Variants in LCOR observed in about 807,000 individuals in gnomAD.
The protein encoded by LCOR is ligand dependent nuclear receptor corepressor.
In LCOR, 14 loss-of-function variants were observed where a neutral mutation model predicts 64.4. The ratio of observed to expected loss-of-function variants is 0.22; its 90% CI spans 0.14 to 0.34. The LOEUF (loss-of-function observed/expected upper bound fraction) is 0.34, where lower values mean the gene tolerates loss of function less well. Among genes scored for constraint, LCOR ranks in the 10% least tolerant of loss-of-function variants. The pLI, the probability that LCOR is intolerant of heterozygous loss-of-function variation, is 1.00. For missense variants in LCOR, 1,686 were observed against 1,765.3 expected, an observed-to-expected ratio of 0.96 and a Z score of 0.80; for synonymous variants, 643 against 642.5, an observed-to-expected ratio of 1.00 and a Z score of -0.01.
At chr10:96,957,069 CAT>C (rs1847796006) in intron 7 of LCOR, 1 of 985,090 alleles carries the variant, frequency 1.0e-6, no homozygotes, top group Non-Finnish European at 1.2e-6. Flanking sequence ...ATTTAGGATG[CAT>C]ATCAGTTCTA....
At chr10:96,886,122 C>T (rs1197172300) in intron 2 of LCOR, among the ~76,000 whole-genome samples, 1 of 152,160 alleles carries the variant, frequency 6.6e-6, no homozygotes, top group African/African-American at 2.4e-5. Flanking sequence ...AAGTGATCTG[C>T]CCCACTTGGC....
Position 96,956,175 on chromosome 10 carries a change from CAG to C in LCOR, c.332+3983_332+3984del, listed in dbSNP as rs955074570. 28 of 1,263,442 alleles carry C rather than the reference CAG, an allele frequency of 2.2e-5. No individual in the cohort carries two copies. The African/African-American group carries it at 4.3e-4, about 19-fold the overall frequency. 78.3% of individuals were successfully genotyped at this position (1,263,442 alleles called of 1,614,324 possible). ...TACAAAAGAGAATTGAGTTACCTCA[CAG>C]AGAACAGATACATGGAAGTGGACTC... On this transcript the variant is annotated intron_variant, in intron 7 of 7. Coordinates refer to ENST00000421806, the MANE Select transcript of LCOR (RefSeq NM_001346516.2).
In LCOR at chr10:96,968,227, A is replaced by C. The variant is rs112800955; in HGVS notation, c.333-12566A>C. Among the ~76,000 whole-genome samples, 897 of 152,266 alleles carry C rather than the reference A, an allele frequency of 5.9e-3. 5 individuals carry two copies. The highest frequency in any genetic ancestry group is 6.9e-3 in the Non-Finnish European group (468 of 68,022). ...TTTTTCATTTTTTTAGGTGAAAAACATGGAACTTGGAACCTTGAGGGACTT... is the reference window on the plus strand; with the variant it reads ...TTTTTCATTTTTTTAGGTGAAAAACCTGGAACTTGGAACCTTGAGGGACTT... On this transcript the variant is annotated intron_variant, in intron 7 of 7. Coordinates refer to ENST00000421806, the MANE Select transcript of LCOR (RefSeq NM_001346516.2).
At chr10:96,865,534 T>C (rs1845956372) in intron 2 of LCOR, among the ~76,000 whole-genome samples, 1 of 144,554 alleles carries the variant, frequency 6.9e-6, no homozygotes, top group Admixed American at 7.0e-5. Flanking sequence ...GTACAGTAGT[T>C]ATGACAGTTG....
chr10:96,895,112 T>A (rs201992861), intron 2 of LCOR, among the ~76,000 whole-genome samples: 1 of 152,220 alleles, frequency 6.6e-6, no homozygotes, highest in Non-Finnish European at 1.5e-5. Context: ...TTCCCAATTT[T>A]ATATTGCCCC....
chr10:96,953,462 G>A lies in LCOR; in HGVS notation c.332+1266G>A, dbSNP rs150265696. 6.3e-3 allele frequency among the ~76,000 whole-genome samples: 958 copies of A among 152,128 alleles called. 7 individuals are homozygous for A. The highest frequency in any genetic ancestry group is 0.017 in the Middle Eastern group (5 of 294). Reference sequence around the variant, plus strand: ...GCTACTAAGGAGGCTGAGGTGGGACGATCGCTTGAGCCCAGAAGGTCACAG... The same window carrying A: ...GCTACTAAGGAGGCTGAGGTGGGACAATCGCTTGAGCCCAGAAGGTCACAG... On this transcript the variant is annotated intron_variant, in intron 7 of 7. Coordinates refer to ENST00000421806, the MANE Select transcript of LCOR (RefSeq NM_001346516.2).
At chr10:96,958,449 C>T (rs1235744216) in intron 7 of LCOR, 1 of 1,140,984 alleles carries the variant, frequency 8.8e-7, no homozygotes, top group Middle Eastern at 1.9e-4. Flanking sequence ...GGTGTGCCTA[C>T]CCTTTAATGC....
intron 4 of LCOR, among the ~76,000 whole-genome samples, chr10:96,942,548 GCCT>G (rs1410319276): frequency 4.6e-5 from 7 of 152,108 alleles, no homozygotes; most frequent in Non-Finnish European, 1.0e-4. Flanking sequence ...AACTTACTGT[GCCT>G]TATATAGCAG....
In LCOR at chr10:96,980,966, G is replaced by A. The variant is rs1039179556; in HGVS notation, c.506G>A (p.Gly169Glu). The A allele has an allele frequency of 4.3e-6, 3 of 702,844 alleles. No individual in the cohort carries two copies. The highest frequency in any genetic ancestry group is 3.5e-5 in the African/African-American group (2 of 57,234). 43.5% of individuals were successfully genotyped at this position (702,844 alleles called of 1,614,324 possible). A position where few individuals can be genotyped will look rare whatever the true frequency, so the allele number is the denominator to read the frequency against. Residue 169 changes from glycine to glutamate, a missense_variant, in exon 8 of 8, where the codon GGA (glycine) becomes GAA (glutamate). This residue lies in a region of LCOR where 313 missense variants were observed against 247.2 expected (regional missense o/e 1.27). Coordinates refer to ENST00000421806, the MANE Select transcript of LCOR (RefSeq NM_001346516.2). The stretch of plus-strand genomic sequence containing the variant: ...GAGGACCTGCAGCCTTCTGATTCGG[G>A]AGCAATGGATGTATCCACTTGCAAT... ...GTEDLQPSDS[G>E]AMDVSTCNAG... is the part of the protein sequence containing the mutation.
chr10:96,981,313 C>T lies in LCOR; in HGVS notation c.853C>T (p.Pro285Ser), dbSNP rs1037672968. 2.5e-6 allele frequency: 4 copies of T among 1,576,872 alleles called. No individual in the cohort carries two copies. In the African/African-American group the frequency reaches 4.1e-5, roughly 16 times the overall value. Reference sequence around the variant, plus strand: ...TTCCTCAGTGAACTTCCACCACATCCCTAAAATCTTGGAGGGGCAGACCAC... The same window carrying T: ...TTCCTCAGTGAACTTCCACCACATCTCTAAAATCTTGGAGGGGCAGACCAC... ...NCSSVNFHHIPKILEGQTTGQ... is the reference protein window; with the variant it reads ...NCSSVNFHHISKILEGQTTGQ... The change falls in exon 8 of 8, where the codon CCT becomes TCT. Residue 285 changes from proline (P) to serine (S), a missense_variant. Pro to Ser is a moderately conservative substitution (Grantham distance 74, BLOSUM62 -1). This residue lies in a region of LCOR where 313 missense variants were observed against 247.2 expected (regional missense o/e 1.27). Transcript: ENST00000421806.
chr10:96,858,871 G>A (rs1189467862), intron 2 of LCOR, among the ~76,000 whole-genome samples: 1 of 152,180 alleles, frequency 6.6e-6, no homozygotes, highest in Non-Finnish European at 1.5e-5. Context: ...AGGGCCATCT[G>A]TGTCCATTAC....
Position 96,838,540 on chromosome 10 carries a change from T to G in LCOR, c.-330+5061T>G, listed in dbSNP as rs544683414. On this transcript the variant is annotated intron_variant, in intron 2 of 7. Transcript: ENST00000421806. The stretch of plus-strand genomic sequence containing the variant: ...TAATTTGTTTTCTGTTTCTGTGGAT[T>G]TGTCTATTCTGGACATAGCATGTAA... Among the ~76,000 whole-genome samples, 5 of 152,378 alleles carry G rather than the reference T, an allele frequency of 3.3e-5. No homozygotes were observed. In the East Asian group the frequency reaches 9.6e-4, roughly 29 times the overall value.
Position 96,895,770 on chromosome 10 carries a change from A to G in LCOR, c.-329-11495A>G, listed in dbSNP as rs189484244. ...CTGCCTAGAACATTCATGTGTCTCC[A>G]TATGGCTTGTTCCCTCACTTCATTG... On this transcript the variant is annotated intron_variant, in intron 2 of 7. Transcript: ENST00000421806. Among the ~76,000 whole-genome samples the G allele has an allele frequency of 3.7e-4, 57 of 152,318 alleles. 1 individual carries two copies. The East Asian group carries it at 0.011, about 28-fold the overall frequency.
chr10:96,883,180 C>T (rs575594046), intron 2 of LCOR, among the ~76,000 whole-genome samples: 3 of 152,064 alleles, frequency 2.0e-5, no homozygotes, highest in Non-Finnish European at 4.4e-5. Context: ...ATTACAGGCG[C>T]GTGCCACCAC....
In LCOR at chr10:96,981,627, G is replaced by C; in HGVS notation, c.1167G>C (p.Arg389Ser). ...TAGAGGCAAATGAACAAGATGCAAG[G>C]CCAAAGCAAGAGAACCATCTTCACT... Reference protein sequence around the residue: ...QDLEANEQDARPKQENHLHSL... With the variant: ...QDLEANEQDASPKQENHLHSL... Residue 389 changes from arginine to serine, a missense_variant, in exon 8 of 8, where the codon AGG (arginine) becomes AGC (serine). This residue lies in a region of LCOR where 313 missense variants were observed against 247.2 expected (regional missense o/e 1.27). Transcript: ENST00000421806. The C allele has an allele frequency of 6.2e-7, 1 of 1,614,182 alleles. No individual in the cohort carries two copies. Among genetic ancestry groups the C allele is most frequent in the South Asian group, 1.1e-5 (1 of 91,080 alleles).
At chr10:96,917,686 TATA>T (rs997590042) in intron 4 of LCOR, among the ~76,000 whole-genome samples, 3 of 152,166 alleles carry the variant, frequency 2.0e-5, no homozygotes, top group Non-Finnish European at 2.9e-5. Context: ...GGGAGGGTCT[TATA>T]ATAATTCACA....
chr10:96,951,972 A>T, intron 6 of LCOR, 131 bp from the exon 7 acceptor site: 2 of 606,322 alleles, frequency 3.3e-6, no homozygotes, highest in Non-Finnish European at 5.9e-6. Flanking sequence ...TGATTTTATA[A>T]CTCAAATATA....
At chr10:96,839,342 G>GT (rs1311681695) in intron 2 of LCOR, among the ~76,000 whole-genome samples, 4 of 152,164 alleles carry the variant, frequency 2.6e-5, no homozygotes, top group Non-Finnish European at 5.9e-5. Context: ...CAGATACACT[G>GT]TAACAAAAGC....
At chr10:96,873,078 T>G (rs1404244819) in intron 2 of LCOR, among the ~76,000 whole-genome samples, 1 of 152,066 alleles carries the variant, frequency 6.6e-6, no homozygotes, top group African/African-American at 2.4e-5. Flanking sequence ...AGTGGAGGGA[T>G]GGATGGTTGG....
Sources: gnomAD v4.1 joint callset for allele counts (sites outside exome capture counted in the v4.1 genomes callset) on GRCh38, gnomAD v4.1.1 for gene constraint, gnomAD v4.1.1 regional missense constraint, MANE v1.5 for transcripts, NCBI Gene and HGNC (gene_info 2026-07-23, HGNC 2026-07-21) for gene names.